The following CSMD1 variants were observed in gnomAD, a reference collection of about 807,000 sequenced individuals.
CSMD1 encodes the protein CUB and Sushi multiple domains 1.
Under a neutral mutation model 417.5 loss-of-function variants are expected in CSMD1, and 213 were observed. The observed-to-expected ratio is 0.51, with a 90% CI of 0.46 to 0.57. The LOEUF (loss-of-function observed/expected upper bound fraction) is 0.57. Ranked by LOEUF, CSMD1 falls within the 20% of genes least tolerant of loss-of-function variation. The pLI is 0.00. For missense variants in CSMD1, 6,923 were observed against 4,529.7 expected, an observed-to-expected ratio of 1.53 and a Z score of -15.17; for synonymous variants, 2,862 against 1,736.8, an observed-to-expected ratio of 1.65 and a Z score of -16.11.
intron 1 of CSMD1, among the ~76,000 whole-genome samples, chr8:4,970,406 T>C (rs35867847): frequency 5.3e-5 from 8 of 152,178 alleles, no homozygotes; most frequent in Non-Finnish European, 1.2e-4. Context: ...ATTTTTATCT[T>C]CATCAACTTT....
intron 1 of CSMD1, among the ~76,000 whole-genome samples, chr8:4,879,974 G>T (rs772719348): frequency 2.0e-5 from 3 of 152,050 alleles, no homozygotes; most frequent in Non-Finnish European, 4.4e-5. Context: ...TCCCTTTGTT[G>T]TAAAAGCAAT....
At chr8:3,543,189 T>C (rs532240079) in intron 10 of CSMD1, among the ~76,000 whole-genome samples, 30 of 152,246 alleles carry the variant, frequency 2.0e-4, no homozygotes, top group African/African-American at 6.7e-4. Flanking sequence ...CTTGATGCTT[T>C]TGAGAAACTG....
At chr8:3,302,580 T>G (rs1446668553) in intron 25 of CSMD1, among the ~76,000 whole-genome samples, 1 of 152,214 alleles carries the variant, frequency 6.6e-6, no homozygotes, top group East Asian at 1.9e-4. Context: ...TCAAGTGCAC[T>G]GATCACTGGG....
At chr8:4,848,217 A>G (rs1379463820) in intron 1 of CSMD1, among the ~76,000 whole-genome samples, 1 of 152,184 alleles carries the variant, frequency 6.6e-6, no homozygotes, top group Non-Finnish European at 1.5e-5. Flanking sequence ...CTATCCTTTC[A>G]TCTAGTGATA....
chr8:4,127,678 A>G (rs910794737), intron 3 of CSMD1, among the ~76,000 whole-genome samples: 4 of 152,144 alleles, frequency 2.6e-5, no homozygotes, highest in African/African-American at 9.7e-5. Context: ...TATAAGGAAG[A>G]TATTAAATAA....
intron 3 of CSMD1, among the ~76,000 whole-genome samples, chr8:4,080,219 C>G (rs577687643): frequency 2.0e-5 from 3 of 152,060 alleles, no homozygotes; most frequent in Non-Finnish European, 4.4e-5. Context: ...TAATAGTTGT[C>G]TCCTCCTTAA....
intron 5 of CSMD1, among the ~76,000 whole-genome samples, chr8:3,954,881 G>C (rs1243672212): frequency 2.0e-5 from 3 of 152,166 alleles, no homozygotes; most frequent in Admixed American, 2.0e-4. Context: ...CCTTATTCTG[G>C]TGGAGGGTAC....
chr8:4,045,455 G>C (rs1337220206), intron 3 of CSMD1, among the ~76,000 whole-genome samples: 1 of 152,178 alleles, frequency 6.6e-6, no homozygotes, highest in African/African-American at 2.4e-5. Flanking sequence ...AACGTCGGAA[G>C]GGCCACTGGT....
intron 2 of CSMD1, among the ~76,000 whole-genome samples, chr8:4,494,813 G>A (rs565099517): frequency 6.6e-6 from 1 of 152,202 alleles, no homozygotes; most frequent in South Asian, 2.1e-4. Flanking sequence ...AATAGACTAG[G>A]AAAGAGAATA....
At chr8:3,628,437 G>T (rs916436380) in intron 7 of CSMD1, among the ~76,000 whole-genome samples, 3 of 152,184 alleles carry the variant, frequency 2.0e-5, no homozygotes, top group African/African-American at 7.2e-5. Flanking sequence ...TCCATTAACC[G>T]TAAGTCATGA....
intron 1 of CSMD1, among the ~76,000 whole-genome samples, chr8:4,789,939 T>C (rs930084820): frequency 2.0e-5 from 3 of 152,200 alleles, no homozygotes; most frequent in Non-Finnish European, 2.9e-5. Flanking sequence ...GAGAAAAATG[T>C]ACCCGAAAAA....
At chr8:3,522,743 G>C (rs896547577) in intron 10 of CSMD1, among the ~76,000 whole-genome samples, 5 of 151,734 alleles carry the variant, frequency 3.3e-5, no homozygotes, top group Admixed American at 1.3e-4. Context: ...GTGGCATTCG[G>C]GAACTACAAA....
rs569955963 is a variant in CSMD1 at position 2,974,227 on chromosome 8, AC to A, written c.8740+223del. Among the ~76,000 whole-genome samples, 17 of 152,328 alleles carry A rather than the reference AC, an allele frequency of 1.1e-4. No homozygotes were observed. In the East Asian group the frequency reaches 3.1e-3, roughly 28 times the overall value. On this transcript the variant is annotated intron_variant, in intron 56 of 69. Coordinates refer to ENST00000635120, the MANE Select transcript of CSMD1 (RefSeq NM_033225.6). The stretch of plus-strand genomic sequence containing the variant: ...AAATGAGATCCAGACTCTCCTGAGA[AC>A]CCCGGAGGAGAACATTTAAAGTAAT...
At chr8:4,961,026 G>T (rs537074544) in intron 1 of CSMD1, among the ~76,000 whole-genome samples, 11 of 152,138 alleles carry the variant, frequency 7.2e-5, no homozygotes, top group African/African-American at 2.6e-4. Context: ...CTTACAGAAA[G>T]ATTCTTCCTC....
intron 10 of CSMD1, among the ~76,000 whole-genome samples, chr8:3,541,456 G>T (rs1050696049): frequency 1.3e-5 from 2 of 151,894 alleles, no homozygotes; most frequent in East Asian, 1.9e-4. Context: ...GTTGATAGGT[G>T]TAACAAACCA....
intron 5 of CSMD1, among the ~76,000 whole-genome samples, chr8:3,921,581 C>T (rs1809268141): frequency 6.6e-6 from 1 of 151,942 alleles, no homozygotes; most frequent in Non-Finnish European, 1.5e-5. Context: ...TTTTGGTGTG[C>T]TTGGTTTCCA....
chr8:4,737,531 C>A (rs1278865954), intron 1 of CSMD1, among the ~76,000 whole-genome samples: 1 of 152,110 alleles, frequency 6.6e-6, no homozygotes, highest in Non-Finnish European at 1.5e-5. Context: ...TTACCAGACA[C>A]ATGATTGATG....
intron 3 of CSMD1, among the ~76,000 whole-genome samples, chr8:4,343,280 A>C (rs1000297983): frequency 1.3e-5 from 2 of 152,086 alleles, no homozygotes; most frequent in Non-Finnish European, 2.9e-5. Context: ...TGGGGAAGTG[A>C]ATATAGAGAG....
At chr8:3,010,230 T>C (rs889301799) in intron 52 of CSMD1, among the ~76,000 whole-genome samples, 3 of 152,180 alleles carry the variant, frequency 2.0e-5, no homozygotes, top group Non-Finnish European at 2.9e-5. Flanking sequence ...ATCTTCGGTG[T>C]TGCCTGTTTA....
Sources: gnomAD v4.1 joint callset for allele counts (sites outside exome capture counted in the v4.1 genomes callset) on GRCh38, gnomAD v4.1.1 for gene constraint, MANE v1.5 for transcripts, NCBI Gene and HGNC (gene_info 2026-07-23, HGNC 2026-07-21) for gene names.